The following SLC4A4 variants were observed in gnomAD, a reference collection of about 807,000 sequenced individuals.
SLC4A4 encodes the protein solute carrier family 4 member 4.
Under a neutral mutation model 111.5 loss-of-function variants are expected in SLC4A4, and 27 were observed. The observed-to-expected ratio is 0.24, with a 90% CI of 0.18 to 0.33. The LOEUF is 0.33. Among genes scored for constraint, SLC4A4 ranks in the 10% least tolerant of loss-of-function variants. The pLI is 1.00. For synonymous variants in SLC4A4, 443 were observed against 463.4 expected (o/e 0.96, Z 0.57); for missense variants, 909 against 1,315.5 (o/e 0.69, Z 4.78).
In SLC4A4 at chr4:71,419,477, G is replaced by A. The variant is rs573885624; in HGVS notation, c.808-21139G>A. The stretch of plus-strand genomic sequence containing the variant: ...CTGTGCTAGCAATCAGCGAGACTCC[G>A]TGGGCGTAGGACCCTCCGAGCCAGG... On this transcript the variant is annotated intron_variant, in intron 7 of 25. Transcript: ENST00000264485. Among the ~76,000 whole-genome samples, 165 of 152,300 alleles carry A rather than the reference G, an allele frequency of 1.1e-3. 4 individuals are homozygous for A. The East Asian group carries it at 0.014, about 12-fold the overall frequency.
intron 1 of SLC4A4, among the ~76,000 whole-genome samples, chr4:71,079,602 C>T (rs1741937489): frequency 6.6e-6 from 1 of 151,894 alleles, no homozygotes; most frequent in Non-Finnish European, 1.5e-5. Context: ...ATAGCAAGAC[C>T]CTATCTCTCT....
At chr4:71,386,201 C>A (rs559662534) in intron 6 of SLC4A4, among the ~76,000 whole-genome samples, 4 of 152,082 alleles carry the variant, frequency 2.6e-5, no homozygotes, top group Admixed American at 6.5e-5. Context: ...CTTTTCCTTT[C>A]TAGATAGAAC....
chr4:71,519,646 A>AT lies in SLC4A4; in HGVS notation c.2167-12408dup, dbSNP rs10635693. Among the ~76,000 whole-genome samples the AT allele has an allele frequency of 9.3e-3, 1,408 of 151,466 alleles. 21 individuals carry two copies. The highest frequency in any genetic ancestry group is 0.031 in the African/African-American group (1,260 of 41,260). ...TACATAAATGAATATTAAGAACATC[A>AT]TTTTTTTTGACAGAGTCTCGCTCTG... On this transcript the variant is annotated intron_variant, in intron 16 of 25. Transcript: ENST00000264485.
intron 15 of SLC4A4, among the ~76,000 whole-genome samples, chr4:71,488,620 G>A (rs1239767938): frequency 2.6e-5 from 4 of 151,542 alleles, no homozygotes; most frequent in Admixed American, 2.6e-4. Context: ...GCTCCAGAGG[G>A]TAAATCACCT....
At position 71,384,349 on chromosome 4, in the gene SLC4A4, A is replaced by G. The variant is rs4635791; in HGVS notation, c.731-13228A>G. On this transcript the variant is annotated intron_variant, in intron 6 of 25. Coordinates refer to ENST00000264485, the MANE Select transcript of SLC4A4 (RefSeq NM_001098484.3). ...GGGTCACTTGGGTGAAAGAGGCATT[A>G]TGGGTCCAGAGGTGTTTGTGCTCTT... is the stretch of plus-strand genomic sequence containing the variant. Among the ~76,000 whole-genome samples, 1,166 of 152,274 alleles carry G rather than the reference A, an allele frequency of 7.7e-3. 16 individuals carry two copies. The highest frequency in any genetic ancestry group is 0.025 in the African/African-American group (1,026 of 41,544).
intron 2 of SLC4A4, among the ~76,000 whole-genome samples, chr4:71,142,071 T>C (rs1364315639): frequency 6.6e-6 from 1 of 152,228 alleles, no homozygotes; most frequent in Non-Finnish European, 1.5e-5. Flanking sequence ...TATGTGTGTG[T>C]GTATATAATA....
chr4:71,389,187 G>C (rs903935129), intron 6 of SLC4A4, among the ~76,000 whole-genome samples: 1 of 152,152 alleles, frequency 6.6e-6, no homozygotes. Flanking sequence ...CCTAATTGAT[G>C]CAGGTATCTG....
At chr4:71,076,926 G>T (rs28754405) in intron 1 of SLC4A4, among the ~76,000 whole-genome samples, 10,611 of 151,758 alleles carry the variant, frequency 0.07, 411 homozygotes, top group South Asian at 0.13. Context: ...GGAGGCAGAG[G>T]TTGCAGTGAG....
At chr4:71,080,709 G>C (rs1268990210) in intron 1 of SLC4A4, among the ~76,000 whole-genome samples, 1 of 152,020 alleles carries the variant, frequency 6.6e-6, no homozygotes, top group Non-Finnish European at 1.5e-5. Context: ...TTAGACTTGA[G>C]GCTAACTCTG....
At chr4:71,121,298 T>C (rs145382063) in intron 2 of SLC4A4, among the ~76,000 whole-genome samples, 2 of 151,574 alleles carry the variant, frequency 1.3e-5, no homozygotes. Flanking sequence ...GCGCCCGGTC[T>C]CATCGACTGC....
At chr4:71,206,331 A>G (rs1278153690) in intron 1 of SLC4A4, among the ~76,000 whole-genome samples, 1 of 152,226 alleles carries the variant, frequency 6.6e-6, no homozygotes, top group Non-Finnish European at 1.5e-5. Flanking sequence ...CAATAATCTC[A>G]TGAAACTATA....
intron 16 of SLC4A4, among the ~76,000 whole-genome samples, chr4:71,502,926 T>TTTTCA (rs1478713298): frequency 6.6e-6 from 1 of 152,156 alleles, no homozygotes; most frequent in Non-Finnish European, 1.5e-5. Context: ...GAAAATGGGG[T>TTTTCA]ATTGAAATTC....
intron 2 of SLC4A4, among the ~76,000 whole-genome samples, chr4:71,160,002 T>C (rs1744576876): frequency 6.6e-6 from 1 of 152,210 alleles, no homozygotes; most frequent in Admixed American, 6.5e-5. Flanking sequence ...GTCATAATAA[T>C]ACCTAACATT....
chr4:71,308,351 T>G (rs1725854609), intron 3 of SLC4A4, among the ~76,000 whole-genome samples: 1 of 152,224 alleles, frequency 6.6e-6, no homozygotes, highest in Non-Finnish European at 1.5e-5. Context: ...TTTTCCCTTT[T>G]GGGATATAAG....
intron 7 of SLC4A4, among the ~76,000 whole-genome samples, chr4:71,399,971 G>A (rs542766206): frequency 6.6e-6 from 1 of 152,262 alleles, no homozygotes; most frequent in South Asian, 2.1e-4. Context: ...GTGGAAAAGG[G>A]AGAACTCAGG....
chr4:71,457,790 G>A (rs1726424623), intron 12 of SLC4A4, among the ~76,000 whole-genome samples: 1 of 151,956 alleles, frequency 6.6e-6, no homozygotes, highest in South Asian at 2.1e-4. Context: ...GCAGAGGATT[G>A]GTTCCAGGAC....
At chr4:71,121,132 G>C (rs1358724154) in intron 2 of SLC4A4, among the ~76,000 whole-genome samples, 1 of 152,252 alleles carries the variant, frequency 6.6e-6, no homozygotes, top group Non-Finnish European at 1.5e-5. Flanking sequence ...CGCCGCACTC[G>C]AATTCTTGCA....
chr4:71,512,357 T>C (rs1320931335), intron 16 of SLC4A4, among the ~76,000 whole-genome samples: 2 of 152,192 alleles, frequency 1.3e-5, no homozygotes, highest in African/African-American at 4.8e-5. Flanking sequence ...TAAGATGATA[T>C]CTCATTGTAG....
chr4:71,107,266 T>C (rs1465862294), intron 2 of SLC4A4, among the ~76,000 whole-genome samples: 1 of 152,206 alleles, frequency 6.6e-6, no homozygotes, highest in Non-Finnish European at 1.5e-5. Flanking sequence ...GCCATTTTGC[T>C]ACTTGTTTTC....
Sources: gnomAD v4.1 joint callset for allele counts (sites outside exome capture counted in the v4.1 genomes callset) on GRCh38, gnomAD v4.1.1 for gene constraint, MANE v1.5 for transcripts, NCBI Gene and HGNC (gene_info 2026-07-23, HGNC 2026-07-21) for gene names.